Variants in TACR1 observed in about 807,000 individuals in gnomAD.
TACR1 encodes the protein tachykinin receptor 1, also known as substance-P receptor.
A neutral mutation model predicts 35.8 loss-of-function variants in TACR1; 25 were observed. That is an observed-to-expected ratio of 0.70 (90% CI 0.51 to 0.98). TACR1 has a LOEUF of 0.98. Among genes scored for constraint, TACR1 ranks in the 50% least tolerant of loss-of-function variants. The pLI is 0.00. For missense variants in TACR1, 478 were observed against 522.9 expected (o/e 0.91, Z 0.84); for synonymous variants, 195 against 206.7 (o/e 0.94, Z 0.48).
chr2:75,054,058 A>G (rs1672524025), intron 2 of TACR1, among the ~76,000 whole-genome samples: 1 of 152,232 alleles, frequency 6.6e-6, no homozygotes, highest in Non-Finnish European at 1.5e-5. Flanking sequence ...AATCTGTTGT[A>G]TACCCATAGC....
At chr2:75,184,217 A>C (rs1163491136) in intron 1 of TACR1, among the ~76,000 whole-genome samples, 1 of 152,186 alleles carries the variant, frequency 6.6e-6, no homozygotes, top group Non-Finnish European at 1.5e-5. Context: ...AATATGAAAA[A>C]ATGTATTAAT....
chr2:75,164,688 G>T (rs1267171678), intron 1 of TACR1, among the ~76,000 whole-genome samples: 2 of 152,148 alleles, frequency 1.3e-5, no homozygotes, highest in Non-Finnish European at 2.9e-5. Flanking sequence ...GCACTGAATT[G>T]ATTTCATGAA....
chr2:75,171,621 A>G (rs1338199944), intron 1 of TACR1, among the ~76,000 whole-genome samples: 1 of 152,172 alleles, frequency 6.6e-6, no homozygotes, highest in African/African-American at 2.4e-5. Flanking sequence ...GGGGGACTGT[A>G]CCCTGCAAAG....
At chr2:75,107,947 AGAT>A (rs1437517028) in intron 2 of TACR1, among the ~76,000 whole-genome samples, 5 of 130,084 alleles carry the variant, frequency 3.8e-5, no homozygotes, top group Non-Finnish European at 8.9e-5. Context: ...AAATGTGAAA[AGAT>A]GATGTATAAT....
At chr2:75,191,106 T>C (rs886773654) in intron 1 of TACR1, among the ~76,000 whole-genome samples, 1 of 152,152 alleles carries the variant, frequency 6.6e-6, no homozygotes, top group Non-Finnish European at 1.5e-5. Flanking sequence ...ATATTTCCCC[T>C]TCCACTGAGG....
At chr2:75,078,676 C>T (rs1208831970) in intron 2 of TACR1, among the ~76,000 whole-genome samples, 1 of 152,128 alleles carries the variant, frequency 6.6e-6, no homozygotes. Flanking sequence ...CGAAACTGTG[C>T]CCTTGTAGGA....
chr2:75,099,364 C>T (rs1288468649), intron 2 of TACR1, among the ~76,000 whole-genome samples: 2 of 152,202 alleles, frequency 1.3e-5, no homozygotes, highest in Admixed American at 6.5e-5. Context: ...CCTCCCAAGT[C>T]ACTTGCCTGA....
chr2:75,069,765 G>A (rs1035687256), intron 2 of TACR1, among the ~76,000 whole-genome samples: 2 of 152,176 alleles, frequency 1.3e-5, no homozygotes, highest in Non-Finnish European at 2.9e-5. Flanking sequence ...TGATTAGAAT[G>A]GGGTTATGGC....
At chr2:75,156,618 A>AG (rs1321623664) in intron 1 of TACR1, among the ~76,000 whole-genome samples, 3 of 151,090 alleles carry the variant, frequency 2.0e-5, no homozygotes, top group African/African-American at 4.8e-5. Flanking sequence ...AAAAAAAAAA[A>AG]AAAGAAAGAA....
intron 2 of TACR1, among the ~76,000 whole-genome samples, chr2:75,103,336 A>G (rs2103875440): frequency 6.6e-6 from 1 of 152,222 alleles, no homozygotes; most frequent in South Asian, 2.1e-4. Context: ...ACACAACACA[A>G]AAAGCACAAA....
chr2:75,193,011 G>A (rs1434712892), intron 1 of TACR1, among the ~76,000 whole-genome samples: 4 of 151,572 alleles, frequency 2.6e-5, no homozygotes, highest in South Asian at 2.1e-4. Flanking sequence ...CCTCTTTGTC[G>A]TTTCCTCCTC....
chr2:75,168,441 A>G (rs1675197528), intron 1 of TACR1, among the ~76,000 whole-genome samples: 1 of 152,240 alleles, frequency 6.6e-6, no homozygotes, highest in Non-Finnish European at 1.5e-5. Flanking sequence ...CTAGAGAGGC[A>G]TGGTAGCAGC....
chr2:75,052,425 C>A (rs2422093), intron 3 of TACR1, among the ~76,000 whole-genome samples: 25,190 of 152,096 alleles, frequency 0.17, 2,249 homozygotes, highest in South Asian at 0.24. Flanking sequence ...TTTGTTACAT[C>A]AGCCCAAATG....
intron 1 of TACR1, among the ~76,000 whole-genome samples, chr2:75,178,534 T>C (rs180725535): frequency 1.4e-5 from 2 of 146,656 alleles, no homozygotes; most frequent in East Asian, 2.3e-4. Flanking sequence ...CCTTTCCCCA[T>C]TGAAAAAAAA....
chr2:75,100,887 C>T (rs1673523037), intron 2 of TACR1, among the ~76,000 whole-genome samples: 1 of 152,020 alleles, frequency 6.6e-6, no homozygotes, highest in African/African-American at 2.4e-5. Flanking sequence ...ATAAATGTGT[C>T]CCCTGAAATA....
intron 2 of TACR1, among the ~76,000 whole-genome samples, chr2:75,104,325 G>C (rs1347950978): frequency 6.6e-6 from 1 of 151,800 alleles, no homozygotes; most frequent in Non-Finnish European, 1.5e-5. Flanking sequence ...AATGATAAAG[G>C]GGTCAATTCA....
intron 1 of TACR1, chr2:75,186,865 A>C (rs1340894136): frequency 3.3e-5 from 5 of 152,242 alleles, no homozygotes; most frequent in Non-Finnish European, 2.9e-5. Flanking sequence ...TATTTTCAAA[A>C]TGCTGAGGAA....
chr2:75,123,166 C>T (rs116357651), intron 1 of TACR1, among the ~76,000 whole-genome samples: 900 of 40,112 alleles, frequency 0.022, 14 homozygotes, highest in African/African-American at 0.12. Flanking sequence ...CCAAATGCAG[C>T]GGTGAAGATG....
intron 1 of TACR1, among the ~76,000 whole-genome samples, chr2:75,137,597 C>T (rs866736986): frequency 2.0e-5 from 3 of 151,624 alleles, no homozygotes; most frequent in African/African-American, 7.3e-5. Context: ...GGCGTGGTGG[C>T]GGGCGACTGT....
Sources: gnomAD v4.1 joint callset for allele counts (sites outside exome capture counted in the v4.1 genomes callset) on GRCh38, gnomAD v4.1.1 for gene constraint, MANE v1.5 for transcripts, NCBI Gene and HGNC (gene_info 2026-07-23, HGNC 2026-07-21) for gene names.